The following HIPK2 variants were observed in gnomAD, a reference collection of about 807,000 sequenced individuals.
The protein encoded by HIPK2 is homeodomain-interacting protein kinase 2.
Under a neutral mutation model 113.7 loss-of-function variants are expected in HIPK2, and 27 were observed. That is an observed-to-expected ratio of 0.24 (90% CI 0.17 to 0.33). The LOEUF is 0.33. HIPK2 is among the 10% of genes least tolerant of loss of function. HIPK2 has a pLI of 1.00. For synonymous variants in HIPK2, 631 were observed against 642.2 expected (o/e 0.98, Z 0.26); for missense variants, 1,257 against 1,588.0 (o/e 0.79, Z 3.54).
intron 2 of HIPK2, among the ~76,000 whole-genome samples, chr7:139,672,582 C>T (rs1328634078): frequency 6.6e-6 from 1 of 152,188 alleles, no homozygotes; most frequent in Non-Finnish European, 1.5e-5. Context: ...TCTCCTGCCT[C>T]AGCCTCCTGA....
chr7:139,658,211 C>A (rs562242214), intron 2 of HIPK2, among the ~76,000 whole-genome samples: 2 of 151,642 alleles, frequency 1.3e-5, no homozygotes, highest in African/African-American at 4.9e-5. Context: ...GAGGCTGAGG[C>A]AGGAGAATCA....
At chr7:139,741,697 C>T (rs531245502) in intron 1 of HIPK2, among the ~76,000 whole-genome samples, 1 of 152,234 alleles carries the variant, frequency 6.6e-6, no homozygotes, top group East Asian at 1.9e-4. Context: ...CAGTATAGCT[C>T]TGAATTTTCA....
intron 1 of HIPK2, among the ~76,000 whole-genome samples, chr7:139,754,240 A>G (rs1217720209): frequency 6.6e-6 from 1 of 152,246 alleles, no homozygotes; most frequent in African/African-American, 2.4e-5. Context: ...TTTTAAGCAT[A>G]AATATCGTAT....
intron 1 of HIPK2, among the ~76,000 whole-genome samples, chr7:139,749,417 G>T (rs1796242650): frequency 6.6e-6 from 1 of 152,202 alleles, no homozygotes; most frequent in Admixed American, 6.5e-5. Context: ...TAGAAAACCT[G>T]GCTTGAATCC....
intron 1 of HIPK2, among the ~76,000 whole-genome samples, chr7:139,754,960 T>A (rs902641994): frequency 1.3e-5 from 2 of 152,080 alleles, no homozygotes; most frequent in African/African-American, 4.8e-5. Context: ...GGCACAGAGA[T>A]CTCCATAAGT....
rs1177854882 is a variant in HIPK2, at chr7:139,568,440, A to T, written c.*4487T>A. The T allele has an allele frequency of 6.6e-6, 1 of 152,318 alleles. No homozygotes were observed. The allele number at this position is 152,318 out of a possible 1,614,324, so 9.4% of individuals were successfully genotyped here. On this transcript the variant is annotated 3_prime_UTR_variant, in exon 15 of 15. Transcript: ENST00000406875. ...CCTTGGAAACATCCAAAACATCATG[A>T]AGAGGCCCTAAGCACAGAGACATGG...
intron 2 of HIPK2, among the ~76,000 whole-genome samples, chr7:139,684,071 T>G (rs1307268014): frequency 6.6e-6 from 1 of 152,214 alleles, no homozygotes; most frequent in African/African-American, 2.4e-5. Context: ...CACATTTTGG[T>G]AATTCTCACA....
intron 12 of HIPK2, among the ~76,000 whole-genome samples, chr7:139,596,467 C>T (rs1395535230): frequency 6.6e-6 from 1 of 152,188 alleles, no homozygotes; most frequent in East Asian, 1.9e-4. Flanking sequence ...CTCAAGTTCC[C>T]CAAATGTATA....
intron 2 of HIPK2, among the ~76,000 whole-genome samples, chr7:139,705,905 T>C (rs1365601093): frequency 3.3e-5 from 5 of 151,630 alleles, no homozygotes; most frequent in South Asian, 2.1e-4. Context: ...CAGCTGACGA[T>C]TGGCCTTACT....
chr7:139,698,835 C>T (rs1309381213), intron 2 of HIPK2, among the ~76,000 whole-genome samples: 4 of 152,138 alleles, frequency 2.6e-5, no homozygotes, highest in Non-Finnish European at 5.9e-5. Flanking sequence ...GGACTAACAC[C>T]CAGGACACAG....
intron 1 of HIPK2, among the ~76,000 whole-genome samples, chr7:139,717,916 G>A (rs1185603014): frequency 6.6e-6 from 1 of 151,820 alleles, no homozygotes; most frequent in African/African-American, 2.4e-5. Flanking sequence ...ACTAATTTTT[G>A]AATTTTTAGT....
intron 2 of HIPK2, among the ~76,000 whole-genome samples, chr7:139,653,774 C>T (rs568298607): frequency 1.3e-5 from 2 of 152,006 alleles, no homozygotes; most frequent in African/African-American, 4.8e-5. Context: ...GCTCTGTCGC[C>T]CAGGCTGGAG....
chr7:139,643,104 C>A (rs1801084717), intron 2 of HIPK2, among the ~76,000 whole-genome samples: 1 of 152,168 alleles, frequency 6.6e-6, no homozygotes, highest in South Asian at 2.1e-4. Context: ...TCATTTCAGA[C>A]CCTCACTGAT....
chr7:139,647,652 G>T (rs1801287967), intron 2 of HIPK2, among the ~76,000 whole-genome samples: 1 of 152,104 alleles, frequency 6.6e-6, no homozygotes, highest in Admixed American at 6.5e-5. Context: ...TGAAAAGCAG[G>T]TGATAAAGGA....
Position 139,563,778 on chromosome 7 carries a change from G to A in HIPK2, c.*9149C>T, listed in dbSNP as rs746897212. 4 of 398,440 alleles carry A rather than the reference G, an allele frequency of 1.0e-5. No individual in the cohort carries two copies. The highest frequency in any genetic ancestry group is 1.8e-5 in the Non-Finnish European group (4 of 226,040). The allele number at this position is 398,440 out of a possible 1,614,324, so 24.7% of individuals were successfully genotyped here. A position where few individuals can be genotyped will look rare whatever the true frequency, so the allele number is the denominator to read the frequency against. ...CAGTTCACAGGGAAAAAGCAAATGTGGTATTTTTTTGTATTTTTTAAAAGC... is the reference window on the plus strand; with the variant it reads ...CAGTTCACAGGGAAAAAGCAAATGTAGTATTTTTTTGTATTTTTTAAAAGC... On this transcript the variant is annotated 3_prime_UTR_variant, in exon 15 of 15. Coordinates refer to ENST00000406875, the MANE Select transcript of HIPK2 (RefSeq NM_022740.5).
chr7:139,613,907 G>A lies in HIPK2; in HGVS notation c.1990+379C>T, dbSNP rs73481748. Among the ~76,000 whole-genome samples the A allele has an allele frequency of 0.014, 2,203 of 152,238 alleles. 44 individuals carry two copies. The highest frequency in any genetic ancestry group is 0.048 in the African/African-American group (2,012 of 41,536). On this transcript the variant is annotated intron_variant, in intron 8 of 14. Transcript: ENST00000406875. This position sits in a 1 kb window ranked among gnomAD's most constrained non-coding sequence, Gnocchi z 4.2. ...TCTTCATGGGAGCTGGGACTATGTC[G>A]GCTGTCAGAGATTGGCAGTTTTCTA...
intron 1 of HIPK2, among the ~76,000 whole-genome samples, chr7:139,746,949 T>G (rs1420491319): frequency 6.6e-6 from 1 of 152,230 alleles, no homozygotes; most frequent in Non-Finnish European, 1.5e-5. Flanking sequence ...TGTTTCTTTC[T>G]GAAATCAGAA....
At chr7:139,705,544 T>C (rs1401699350) in intron 2 of HIPK2, among the ~76,000 whole-genome samples, 3 of 152,148 alleles carry the variant, frequency 2.0e-5, no homozygotes, top group Non-Finnish European at 2.9e-5. Context: ...GCCCAGCTGA[T>C]TTTTTGGTAT....
In HIPK2 at chr7:139,631,110, C is replaced by G; in HGVS notation, c.1347+55G>C. 4 of 1,565,092 alleles carry G rather than the reference C, an allele frequency of 2.6e-6. No homozygotes were observed. In the African/African-American group the frequency reaches 5.4e-5, roughly 21 times the overall value. ...AAGCTCCCCACTAATGGGTCTACGG[C>G]CCTCTTCCCTAAGCGCTGGGCCACT... On this transcript the variant is annotated intron_variant, in intron 4 of 14. Transcript: ENST00000406875. This position sits in a 1 kb window ranked among gnomAD's most constrained non-coding sequence, Gnocchi z 4.9.
Sources: gnomAD v4.1 joint callset for allele counts (sites outside exome capture counted in the v4.1 genomes callset) on GRCh38, gnomAD v4.1.1 for gene constraint, Gnocchi (gnomAD v3.1) non-coding constraint, MANE v1.5 for transcripts, NCBI Gene and HGNC (gene_info 2026-07-23, HGNC 2026-07-21) for gene names.